FHOD3: variants seen among roughly 807,000 people sequenced by gnomAD.
The protein encoded by FHOD3 is formin homology 2 domain containing 3.
FHOD3 carries 90 observed loss-of-function variants against 173.0 expected under a neutral mutation model. The observed-to-expected ratio is 0.52, with a 90% confidence interval of 0.44 to 0.62. FHOD3 has a LOEUF of 0.62. FHOD3 is among the 20% of genes least tolerant of loss of function. The pLI, the probability that FHOD3 is intolerant of heterozygous loss-of-function variation, is 0.00. For missense variants in FHOD3, 1,945 were observed against 2,034.7 expected, an observed-to-expected ratio of 0.96 and a Z score of 0.85; for synonymous variants, 828 against 823.0, an observed-to-expected ratio of 1.01 and a Z score of -0.10.
intron 10 of FHOD3, among the ~76,000 whole-genome samples, chr18:36,634,044 A>G (rs1472249354): frequency 6.6e-6 from 1 of 152,190 alleles, no homozygotes; most frequent in Non-Finnish European, 1.5e-5. Flanking sequence ...GTTAAAAGGA[A>G]GCCACAGTTA....
At chr18:36,436,274 T>G (rs2050803228) in intron 3 of FHOD3, among the ~76,000 whole-genome samples, 1 of 152,250 alleles carries the variant, frequency 6.6e-6, no homozygotes, top group Admixed American at 6.5e-5. Context: ...AAGATTGTTC[T>G]ATGCCCTTTG....
intron 1 of FHOD3, among the ~76,000 whole-genome samples, chr18:36,311,228 C>T (rs896362292): frequency 2.0e-5 from 3 of 152,048 alleles, no homozygotes; most frequent in East Asian, 3.9e-4. Context: ...GGCGGGGACC[C>T]CTGCTGTTCA....
chr18:36,396,524 T>C (rs12608017), intron 3 of FHOD3, among the ~76,000 whole-genome samples: 34,934 of 152,042 alleles, frequency 0.23, 4,508 homozygotes, highest in East Asian at 0.67. Context: ...TAGTTTATCA[T>C]TTCTTTAATG....
intron 28 of FHOD3, among the ~76,000 whole-genome samples, chr18:36,771,248 CATA>C (rs1264090251): frequency 1.3e-5 from 2 of 152,110 alleles, no homozygotes; most frequent in African/African-American, 4.8e-5. Context: ...GATTCATGTT[CATA>C]ATAAGATGGA....
intron 10 of FHOD3, among the ~76,000 whole-genome samples, chr18:36,646,775 A>AAAC (rs1331432382): frequency 1.3e-5 from 2 of 152,242 alleles, no homozygotes; most frequent in Non-Finnish European, 2.9e-5. Context: ...GACCTGGTGT[A>AAAC]AACAACAACA....
intron 14 of FHOD3, among the ~76,000 whole-genome samples, chr18:36,658,930 G>A (rs2036599344): frequency 3.3e-5 from 5 of 152,068 alleles, no homozygotes; most frequent in Admixed American, 2.0e-4. Flanking sequence ...AAGTCCACTC[G>A]GGAGTGCTGT....
rs78558691 is a variant in FHOD3, at chr18:36,401,674, T to A, written c.337+28930T>A. Among the ~76,000 whole-genome samples, 6 of 152,218 alleles carry A rather than the reference T, an allele frequency of 3.9e-5. No individual in the cohort carries two copies. In the East Asian group the frequency reaches 1.2e-3, roughly 29 times the overall value. On this transcript the variant is annotated intron_variant, in intron 3 of 28. Transcript: ENST00000590592. ...AAACAGGTACAACAACATTCTATGC[T>A]CTCTGGGCTTTTGGGAGGATTAGAT...
At chr18:36,708,812 A>G (rs562270924) in intron 17 of FHOD3, among the ~76,000 whole-genome samples, 5 of 152,190 alleles carry the variant, frequency 3.3e-5, no homozygotes, top group East Asian at 3.9e-4. Context: ...TCTGCTGCCA[A>G]TTGGAAAACT....
chr18:36,404,745 G>T (rs1476220683), intron 3 of FHOD3, among the ~76,000 whole-genome samples: 2 of 152,144 alleles, frequency 1.3e-5, no homozygotes, highest in Non-Finnish European at 2.9e-5. Flanking sequence ...GAGCAGTTGT[G>T]TGCTTGCGGT....
chr18:36,443,184 C>T (rs1236354964), intron 3 of FHOD3, among the ~76,000 whole-genome samples: 3 of 152,138 alleles, frequency 2.0e-5, no homozygotes, highest in Non-Finnish European at 4.4e-5. Flanking sequence ...CAATAAGATA[C>T]TCTGAAATTA....
chr18:36,423,346 T>C (rs2050083395), intron 3 of FHOD3, among the ~76,000 whole-genome samples: 1 of 152,128 alleles, frequency 6.6e-6, no homozygotes, highest in Non-Finnish European at 1.5e-5. Context: ...AGGTTGGAAA[T>C]GGTCTGAACT....
intron 28 of FHOD3, 22 bp downstream of exon 28, chr18:36,769,448 C>T (rs371685042): frequency 4.5e-5 from 73 of 1,610,462 alleles, no homozygotes; most frequent in East Asian, 8.9e-5. Context: ...AAAGGAGGGG[C>T]GAGCCTTCAC....
intron 5 of FHOD3, among the ~76,000 whole-genome samples, chr18:36,537,731 TAAC>T (rs2147024410): frequency 6.6e-6 from 1 of 152,072 alleles, no homozygotes; most frequent in African/African-American, 2.4e-5. Flanking sequence ...CAGAGAGAAA[TAAC>T]AAATCCATGG....
intron 3 of FHOD3, among the ~76,000 whole-genome samples, chr18:36,477,234 G>C (rs142597395): frequency 7.1e-4 from 108 of 152,214 alleles, no homozygotes; most frequent in African/African-American, 2.5e-3. Context: ...AGGTTGGGAT[G>C]GTGCAGTTCC....
intron 1 of FHOD3, among the ~76,000 whole-genome samples, chr18:36,305,585 AT>A (rs1000672890): frequency 1.3e-5 from 2 of 152,174 alleles, no homozygotes; most frequent in African/African-American, 4.8e-5. Flanking sequence ...CAAGCCCAAG[AT>A]TTTTTTAAGT....
chr18:36,380,459 CCCTTCCTCCCTT>C (rs1479053116), intron 3 of FHOD3, among the ~76,000 whole-genome samples: 1 of 145,738 alleles, frequency 6.9e-6, no homozygotes, highest in Non-Finnish European at 1.5e-5. Context: ...CTCCCTCACT[CCCTTCCTCCCTT>C]CATTCCCCTC....
At chr18:36,467,025 G>T (rs28619212) in intron 3 of FHOD3, among the ~76,000 whole-genome samples, 88 of 152,216 alleles carry the variant, frequency 5.8e-4, no homozygotes, top group African/African-American at 2.0e-3. Flanking sequence ...CCCTAAGAGG[G>T]GATCCCTGCC....
At chr18:36,549,744 T>G (rs1402371993) in intron 5 of FHOD3, among the ~76,000 whole-genome samples, 1 of 150,142 alleles carries the variant, frequency 6.7e-6, no homozygotes, top group East Asian at 2.0e-4. Flanking sequence ...GAGATGGGGT[T>G]TCATGGTGTT....
chr18:36,692,512 T>A (rs2039026130), intron 16 of FHOD3, among the ~76,000 whole-genome samples: 1 of 152,234 alleles, frequency 6.6e-6, no homozygotes, highest in Admixed American at 6.5e-5. Flanking sequence ...CTGGTCTTAA[T>A]AAACAGTTAG....
Sources: allele counts gnomAD v4.1 joint callset (sites outside exome capture counted in the v4.1 genomes callset), GRCh38; gene constraint gnomAD v4.1.1; transcripts MANE v1.5; gene names NCBI Gene and HGNC (gene_info 2026-07-23, HGNC 2026-07-21).